The following MICAL3 variants were observed in gnomAD, a reference collection of about 807,000 sequenced individuals.
MICAL3 encodes [F-actin]-monooxygenase MICAL3.
A neutral mutation model predicts 207.4 loss-of-function variants in MICAL3; 62 were observed. That is an observed-to-expected ratio of 0.30 (90% CI 0.24 to 0.37). MICAL3 has a LOEUF of 0.37. MICAL3 is among the 10% of genes least tolerant of loss of function. The pLI, the probability that MICAL3 is intolerant of heterozygous loss-of-function variation, is 1.00. For missense variants in MICAL3, 2,368 were observed against 2,635.6 expected (o/e 0.90, Z 2.22); for synonymous variants, 1,077 against 1,069.3 (o/e 1.01, Z -0.14).
At chr22:17,862,358 C>T in intron 19 of MICAL3, 2 of 641,620 alleles carry the variant, frequency 3.1e-6, no homozygotes, top group Non-Finnish European at 3.9e-6. Flanking sequence ...GGGTTCACGC[C>T]ATTCTCCTGC....
chr22:17,870,782 C>T (rs1927645693), intron 17 of MICAL3, among the ~76,000 whole-genome samples: 1 of 152,148 alleles, frequency 6.6e-6, no homozygotes, highest in Admixed American at 6.5e-5. Flanking sequence ...TCATTCTTCC[C>T]CGACTCGGGA....
Position 17,832,375 on chromosome 22 carries a change from G to A in MICAL3, c.2802-268C>T, listed in dbSNP as rs954340980. 2.6e-5 allele frequency among the ~76,000 whole-genome samples: 4 copies of A among 152,144 alleles called. 1 individual carries two copies. The East Asian group carries it at 7.7e-4, about 29-fold the overall frequency. ...ACTTCTCCTCAGGTGGATGGGGTAGGGAGGGGACCACCGAAGGCTGCCTGT... is the reference window on the plus strand; with the variant it reads ...ACTTCTCCTCAGGTGGATGGGGTAGAGAGGGGACCACCGAAGGCTGCCTGT... On this transcript the variant is annotated intron_variant, in intron 20 of 31. Coordinates refer to ENST00000441493, the MANE Select transcript of MICAL3 (RefSeq NM_015241.3).
chr22:17,864,848 A>G, intron 19 of MICAL3, 51 bp downstream of exon 19: 1 of 1,613,882 alleles, frequency 6.2e-7, no homozygotes, highest in Middle Eastern at 1.7e-4. Context: ...GCCTTGTCAC[A>G]GAGGCCGAGG....
At chr22:17,829,457 C>T (rs111447239) in intron 21 of MICAL3, among the ~76,000 whole-genome samples, 3,677 of 152,340 alleles carry the variant, frequency 0.024, 73 homozygotes, top group African/African-American at 0.05. Flanking sequence ...GCATGAGCCA[C>T]TGCACCCGGC....
chr22:17,876,900 AGG>A (rs1292182883), intron 16 of MICAL3: 3 of 137,216 alleles, frequency 2.2e-5, no homozygotes, highest in Admixed American at 7.0e-5. Context: ...TATGGAGGTT[AGG>A]GAGGTTAGGG....
At chr22:17,861,118 T>G (rs907322210) in intron 19 of MICAL3, 22 of 985,282 alleles carry the variant, frequency 2.2e-5, no homozygotes, top group Non-Finnish European at 2.4e-5. Flanking sequence ...CATAAATGCC[T>G]AGAAGGGAAG....
At position 17,886,988 on chromosome 22, in the gene MICAL3, C is replaced by CAAAAAAAAAAAAAAAAAAAAAA. The variant is rs55999508; in HGVS notation, c.2067+160_2067+181dup. On this transcript the variant is annotated intron_variant, in intron 15 of 31. Coordinates refer to ENST00000441493, the MANE Select transcript of MICAL3 (RefSeq NM_015241.3). ...GGGCAATGGAGAAAGACTCTTGTCTCAAAAAAAAAAAAAAAAAAAAAAAAA... is the reference window on the plus strand; with the variant it reads ...GGGCAATGGAGAAAGACTCTTGTCTCAAAAAAAAAAAAAAAAAAAAAAAAAAAAAAAAAAAAAAAAAAAAAAA... 9.4e-4 allele frequency among the ~76,000 whole-genome samples: 39 copies of CAAAAAAAAAAAAAAAAAAAAAA among 41,346 alleles called. 1 individual carries two copies. Among genetic ancestry groups the CAAAAAAAAAAAAAAAAAAAAAA allele is most frequent in the Non-Finnish European group, 1.2e-3 (26 of 21,360 alleles). 27.1% of individuals were successfully genotyped at this position (41,346 alleles called of 152,430 possible). A position where few individuals can be genotyped will look rare whatever the true frequency, so the allele number is the denominator to read the frequency against.
intron 16 of MICAL3, 77 bp downstream of exon 16, chr22:17,885,801 C>T (rs116383474): frequency 6.8e-7 from 1 of 1,479,034 alleles, no homozygotes; most frequent in African/African-American, 1.4e-5. Context: ...CACAGCCCAT[C>T]TCAATGGATG....
intron 1 of MICAL3, among the ~76,000 whole-genome samples, chr22:17,996,946 G>A (rs1160137272): frequency 6.6e-6 from 1 of 151,966 alleles, no homozygotes; most frequent in African/African-American, 2.4e-5. Context: ...AAAATGGCCT[G>A]GACACTAAAG....
rs991556532 is a variant in MICAL3 at position 17,826,642 on chromosome 22, G to C, written c.3193+1002C>G. 5 of 287,794 alleles carry C rather than the reference G, an allele frequency of 1.7e-5. No individual in the cohort carries two copies. The Admixed American group carries it at 3.2e-4, about 19-fold the overall frequency. The allele number at this position is 287,794 out of a possible 1,614,324, so 17.8% of individuals were successfully genotyped here. ...GAGAAGGCATTCAGGACAGACGCCT[G>C]TCTGGCACCAACAAGGGGTGCGAGC... On this transcript the variant is annotated intron_variant, in intron 22 of 31. Transcript: ENST00000441493.
chr22:17,923,029 A>AT, intron 1 of MICAL3, among the ~76,000 whole-genome samples: 1 of 152,228 alleles, frequency 6.6e-6, no homozygotes. Flanking sequence ...CCCTCTGCTG[A>AT]TTCCCGCTGA....
chr22:17,957,244 G>A (rs1332913643), intron 1 of MICAL3, among the ~76,000 whole-genome samples: 1 of 152,198 alleles, frequency 6.6e-6, no homozygotes, highest in Admixed American at 6.5e-5. Flanking sequence ...TAGCTGGCAA[G>A]TCCAGGTAGA....
intron 1 of MICAL3, among the ~76,000 whole-genome samples, chr22:17,944,522 G>T (rs999894486): frequency 3.3e-5 from 5 of 152,198 alleles, no homozygotes; most frequent in Non-Finnish European, 7.3e-5. Flanking sequence ...GGAGAGCAGA[G>T]CCGACCCAGC....
In MICAL3 at chr22:17,951,757, C is replaced by T. The variant is rs886169757; in HGVS notation, c.-74-44871G>A. ...AGGCATCCAAGCTTGAGTGCAGTGGCGCGATCTTGGCTCACTGTAACTTCT... is the reference window on the plus strand; with the variant it reads ...AGGCATCCAAGCTTGAGTGCAGTGGTGCGATCTTGGCTCACTGTAACTTCT... On this transcript the variant is annotated intron_variant, in intron 1 of 31. Transcript: ENST00000441493. Among the ~76,000 whole-genome samples, 15 of 151,264 alleles carry T rather than the reference C, an allele frequency of 9.9e-5. 1 individual carries two copies. The highest frequency in any genetic ancestry group is 3.4e-3 in the Middle Eastern group (1 of 292).
At chr22:17,821,966 C>T in intron 24 of MICAL3, 64 bp downstream of exon 24, 1 of 1,584,388 alleles carries the variant, frequency 6.3e-7, no homozygotes. Context: ...CTGAGCCACT[C>T]TTGTGTGCAT....
intron 1 of MICAL3, among the ~76,000 whole-genome samples, chr22:17,914,432 T>G (rs1051630645): frequency 1.5e-5 from 1 of 67,312 alleles, no homozygotes; most frequent in African/African-American, 4.5e-5. Context: ...ACCTCCATTT[T>G]GCAGATGGGG....
intron 10 of MICAL3, 60 bp downstream of exon 10, chr22:17,895,224 C>T: frequency 6.3e-7 from 1 of 1,575,212 alleles, no homozygotes; most frequent in Non-Finnish European, 8.7e-7. Flanking sequence ...CTCAACAGAT[C>T]AGAATTCTCA....
intron 26 of MICAL3, 107 bp downstream of exon 26, chr22:17,817,204 A>G: frequency 7.4e-7 from 1 of 1,359,128 alleles, no homozygotes; most frequent in African/African-American, 1.5e-5. Flanking sequence ...GCTCCTGAGA[A>G]CCCTCGGCGG....
intron 21 of MICAL3, among the ~76,000 whole-genome samples, chr22:17,831,109 T>A (rs1314209238): frequency 6.6e-6 from 1 of 152,148 alleles, no homozygotes; most frequent in Admixed American, 6.5e-5. Flanking sequence ...AAATTAAAGG[T>A]CATGTCCTTC....
Sources: allele counts gnomAD v4.1 joint callset (sites outside exome capture counted in the v4.1 genomes callset), GRCh38; gene constraint gnomAD v4.1.1; transcripts MANE v1.5; gene names NCBI Gene and HGNC (gene_info 2026-07-23, HGNC 2026-07-21).